The following NPAS3 variants were observed in gnomAD, a reference collection of about 807,000 sequenced individuals.
NPAS3 encodes neuronal PAS domain protein 3, also known as neuronal PAS domain-containing protein 3.
NPAS3 carries 14 observed loss-of-function variants against 73.1 expected under a neutral mutation model. That is an observed-to-expected ratio of 0.19 (90% CI 0.13 to 0.30). NPAS3 has a LOEUF of 0.30. Among genes scored for constraint, NPAS3 ranks in the 10% least tolerant of loss-of-function variants. NPAS3 has a pLI of 1.00. For missense variants in NPAS3, 1,096 were observed against 1,250.0 expected, an observed-to-expected ratio of 0.88 and a Z score of 1.86; for synonymous variants, 620 against 541.5, an observed-to-expected ratio of 1.14 and a Z score of -2.01.
intron 5 of NPAS3, among the ~76,000 whole-genome samples, chr14:33,601,954 C>T (rs902704040): frequency 6.6e-6 from 1 of 152,116 alleles, no homozygotes; most frequent in Non-Finnish European, 1.5e-5. Context: ...TACTAGAGAT[C>T]TGGTAATGAA....
At chr14:33,750,838 T>C (rs2061942907) in intron 7 of NPAS3, among the ~76,000 whole-genome samples, 1 of 152,206 alleles carries the variant, frequency 6.6e-6, no homozygotes, top group Admixed American at 6.5e-5. Context: ...TAATGTGATA[T>C]GTGCTATAAT....
chr14:33,312,252 T>A (rs954696517), intron 3 of NPAS3, among the ~76,000 whole-genome samples: 3 of 152,122 alleles, frequency 2.0e-5, no homozygotes, highest in Non-Finnish European at 2.9e-5. Context: ...TTATGTTTTG[T>A]ATGTAAGCAT....
intron 2 of NPAS3, among the ~76,000 whole-genome samples, chr14:33,197,965 C>T (rs969149062): frequency 6.6e-6 from 1 of 151,602 alleles, no homozygotes; most frequent in African/African-American, 2.4e-5. Context: ...GGAGTTTCTT[C>T]CTTGTGGTGG....
At chr14:33,294,702 A>G (rs2042225731) in intron 3 of NPAS3, among the ~76,000 whole-genome samples, 1 of 152,228 alleles carries the variant, frequency 6.6e-6, no homozygotes, top group Admixed American at 6.5e-5. Flanking sequence ...AATAATTAAG[A>G]CCTGATTATC....
At chr14:33,538,283 C>G (rs1171992912) in intron 4 of NPAS3, among the ~76,000 whole-genome samples, 1 of 152,154 alleles carries the variant, frequency 6.6e-6, no homozygotes. Flanking sequence ...CACAATAATA[C>G]CAGAAAACTA....
At chr14:33,093,252 A>C (rs1482593510) in intron 2 of NPAS3, among the ~76,000 whole-genome samples, 1 of 152,150 alleles carries the variant, frequency 6.6e-6, no homozygotes, top group East Asian at 1.9e-4. Flanking sequence ...GAATCTACAA[A>C]GAACTCAAAC....
At chr14:33,151,634 G>A (rs1449755738) in intron 2 of NPAS3, among the ~76,000 whole-genome samples, 1 of 152,032 alleles carries the variant, frequency 6.6e-6, no homozygotes, top group Non-Finnish European at 1.5e-5. Flanking sequence ...ATTGAATCCA[G>A]TTATTTATTC....
In NPAS3 at chr14:32,966,263, A is replaced by G. The variant is rs2139268967; in HGVS notation, c.50+26897A>G. On this transcript the variant is annotated intron_variant, in intron 1 of 11. Coordinates refer to ENST00000356141, the Ensembl canonical transcript of NPAS3. ...AGCTAAAGAATCTTGAGAAAAAAGA[A>G]CAAAGCTGCAGGCATTATACTACCT... Among the ~76,000 whole-genome samples the G allele has an allele frequency of 1.3e-5, 2 of 152,340 alleles. 1 individual carries two copies. The highest frequency in any genetic ancestry group is 4.1e-4 in the South Asian group (2 of 4,830).
At chr14:32,998,299 C>A (rs1283505466) in intron 1 of NPAS3, among the ~76,000 whole-genome samples, 1 of 152,172 alleles carries the variant, frequency 6.6e-6, no homozygotes, top group Non-Finnish European at 1.5e-5. Flanking sequence ...GCTATGATTT[C>A]ATTTATATGA....
chr14:33,235,519 A>G (rs2048001261), intron 3 of NPAS3, among the ~76,000 whole-genome samples: 2 of 152,044 alleles, frequency 1.3e-5, no homozygotes, highest in African/African-American at 4.8e-5. Context: ...CTCTGATGGC[A>G]TATATTTGAA....
intron 3 of NPAS3, among the ~76,000 whole-genome samples, chr14:33,272,009 T>A (rs1311777000): frequency 6.6e-6 from 1 of 152,174 alleles, no homozygotes; most frequent in Non-Finnish European, 1.5e-5. Context: ...CTGTAAATTT[T>A]CAACAACAAT....
intron 2 of NPAS3, among the ~76,000 whole-genome samples, chr14:33,094,401 A>C (rs1012000): frequency 0.15 from 22,105 of 151,928 alleles, 1,862 homozygotes; most frequent in African/African-American, 0.24. Flanking sequence ...ATTTTAATTT[A>C]AAATCTTTGA....
chr14:33,674,802 C>T (rs1327801301), intron 5 of NPAS3, among the ~76,000 whole-genome samples: 1 of 152,106 alleles, frequency 6.6e-6, no homozygotes, highest in Non-Finnish European at 1.5e-5. Flanking sequence ...CTGACTATAC[C>T]TATGTTAACT....
intron 6 of NPAS3, among the ~76,000 whole-genome samples, chr14:33,684,211 T>A (rs2060021585): frequency 7.6e-6 from 1 of 130,760 alleles, no homozygotes; most frequent in South Asian, 2.8e-4. Context: ...TATGCACGTA[T>A]TTCATTGTGC....
chr14:32,943,406 C>T (rs886821279), intron 1 of NPAS3, among the ~76,000 whole-genome samples: 1 of 152,016 alleles, frequency 6.6e-6, no homozygotes. Flanking sequence ...ATTCTTCTAC[C>T]CAATGGCTGG....
At chr14:33,765,427 C>A (rs1158538382) in intron 7 of NPAS3, among the ~76,000 whole-genome samples, 2 of 152,198 alleles carry the variant, frequency 1.3e-5, no homozygotes, top group Admixed American at 6.5e-5. Flanking sequence ...GCCGGCTGGG[C>A]TAGGGGGAGG....
rs2041921166 is a variant in NPAS3, at chr14:33,083,238, A to C, written c.140+27244A>C. 3.7e-5 allele frequency among the ~76,000 whole-genome samples: 5 copies of C among 135,028 alleles called. 1 individual carries two copies. The highest frequency in any genetic ancestry group is 5.5e-5 in the African/African-American group (2 of 36,578). 88.6% of individuals were successfully genotyped at this position (135,028 alleles called of 152,430 possible). On this transcript the variant is annotated intron_variant, in intron 2 of 11. Coordinates refer to ENST00000356141, the Ensembl canonical transcript of NPAS3. ...AAGAAGGGACTTTGCCTTTGCCTCCACTCCATGATAGCAGAGAAAGAGACA... is the reference window on the plus strand; with the variant it reads ...AAGAAGGGACTTTGCCTTTGCCTCCCCTCCATGATAGCAGAGAAAGAGACA...
chr14:33,026,706 T>A (rs917348635), intron 1 of NPAS3, among the ~76,000 whole-genome samples: 2 of 152,212 alleles, frequency 1.3e-5, no homozygotes, highest in Admixed American at 6.5e-5. Context: ...TCACTCCTAC[T>A]GTACAATCTG....
chr14:33,270,156 C>T (rs1409857693), intron 3 of NPAS3, among the ~76,000 whole-genome samples: 2 of 152,114 alleles, frequency 1.3e-5, no homozygotes, highest in East Asian at 3.9e-4. Flanking sequence ...TTGACTTATT[C>T]CCCTACCACC....
Sources: allele counts gnomAD v4.1 joint callset (sites outside exome capture counted in the v4.1 genomes callset), GRCh38; gene constraint gnomAD v4.1.1; transcripts MANE v1.5; gene names NCBI Gene and HGNC (gene_info 2026-07-23, HGNC 2026-07-21).